The following PLCG2 variants were observed in gnomAD, a reference collection of about 807,000 sequenced individuals.
The protein encoded by PLCG2 is 1-phosphatidylinositol 4,5-bisphosphate phosphodiesterase gamma-2.
A neutral mutation model predicts 175.6 loss-of-function variants in PLCG2; 69 were observed. The ratio of observed to expected loss-of-function variants is 0.39; its 90% CI spans 0.32 to 0.48. The LOEUF (loss-of-function observed/expected upper bound fraction) is 0.48, where lower values mean the gene tolerates loss of function less well. PLCG2 is among the 20% of genes least tolerant of loss of function. The probability of loss-of-function intolerance (pLI) is 0.91; values close to 1 mark genes in which losing one functional copy is unlikely to be tolerated. For missense variants in PLCG2, 1,798 were observed against 1,650.9 expected (o/e 1.09, Z -1.54); for synonymous variants, 827 against 624.0 (o/e 1.33, Z -4.85).
chr16:81,825,192 GC>G (rs767208311), intron 2 of PLCG2, among the ~76,000 whole-genome samples: 5 of 152,162 alleles, frequency 3.3e-5, no homozygotes, highest in Admixed American at 6.5e-5. Flanking sequence ...GGTTTGTGGG[GC>G]CATCCTGGCC....
chr16:81,829,808 C>T (rs1010481286), intron 2 of PLCG2, among the ~76,000 whole-genome samples: 3 of 152,146 alleles, frequency 2.0e-5, no homozygotes, highest in Non-Finnish European at 2.9e-5. Flanking sequence ...TCCCTTTCTC[C>T]TTTGAAATTG....
rs559206679 is a variant in PLCG2, at chr16:81,866,380, C to G, written c.480-2834C>G. ...TCCCAGGTTGAGCTCCACTGGGGCA[C>G]CAGCATGAGAGGACGCTGGCCTCTC... On this transcript the variant is annotated intron_variant, in intron 5 of 32. Coordinates refer to ENST00000564138, the MANE Select transcript of PLCG2 (RefSeq NM_002661.5). Among the ~76,000 whole-genome samples, 9 of 125,818 alleles carry G rather than the reference C, an allele frequency of 7.2e-5. No individual in the cohort carries two copies. The East Asian group carries it at 2.1e-3, about 29-fold the overall frequency. 82.5% of individuals were successfully genotyped at this position (125,818 alleles called of 152,430 possible).
rs1235544180 is a variant in PLCG2 at position 81,766,204 on chromosome 16, A to G, written c.-48+10238A>G. ...AGAGGAAATCCACCTACAGGGACTC[A>G]GGCCTTTCTCTCCAAGTGGGGCCAT... On this transcript the variant is annotated intron_variant, in intron 2 of 5. Transcript: ENST00000565054. Among the ~76,000 whole-genome samples, 5 of 151,872 alleles carry G rather than the reference A, an allele frequency of 3.3e-5. No individual in the cohort carries two copies. The East Asian group carries it at 7.7e-4, about 23-fold the overall frequency.
At chr16:81,858,453 G>T in intron 4 of PLCG2, 97 bp downstream of exon 4, 1 of 831,456 alleles carries the variant, frequency 1.2e-6, no homozygotes, top group Non-Finnish European at 2.1e-6. Flanking sequence ...AAAAAAAAAG[G>T]GACATTGGTT....
intron 5 of PLCG2, among the ~76,000 whole-genome samples, chr16:81,860,017 C>G (rs1031121067): frequency 5.3e-5 from 8 of 152,078 alleles, no homozygotes; most frequent in South Asian, 2.1e-4. Context: ...GTTGCCCAGA[C>G]TGGAGGGCAG....
At chr16:81,937,608 A>T in intron 27 of PLCG2, 150 bp from the exon 28 acceptor site, 1 of 575,962 alleles carries the variant, frequency 1.7e-6, no homozygotes, top group East Asian at 3.0e-5. Context: ...TAGAAACCCT[A>T]TATTTTCTTT....
Position 81,946,215 on chromosome 16 carries a change from C to G in PLCG2, c.3522C>G (p.Asp1174Glu). The G allele has an allele frequency of 6.2e-7, 1 of 1,613,960 alleles. No individual in the cohort carries two copies. Among genetic ancestry groups the G allele is most frequent in the Non-Finnish European group, 8.5e-7 (1 of 1,179,846 alleles). The change falls in exon 31 of 33, where the codon GAC (aspartate) becomes GAG (glutamate). Residue 1174 changes from aspartate (D) to glutamate (E), a missense_variant. Transcript: ENST00000564138. Reference protein sequence around the residue: ...SVPLKNGYSEDIELASLLVFC... With the variant: ...SVPLKNGYSEEIELASLLVFC... ...CTCTGAAGAATGGGTACAGCGAGGA[C>G]ATAGAGCTGGCTTCCCTCCTGGTTT...
At chr16:81,758,926 C>T (rs1024284068) in intron 2 of PLCG2, among the ~76,000 whole-genome samples, 2 of 152,236 alleles carry the variant, frequency 1.3e-5, no homozygotes, top group Non-Finnish European at 2.9e-5. Flanking sequence ...GATCCACCTG[C>T]CTCGGCCTCC....
intron 2 of PLCG2, among the ~76,000 whole-genome samples, chr16:81,804,471 C>T (rs561101112): frequency 6.1e-4 from 93 of 152,316 alleles, no homozygotes; most frequent in African/African-American, 2.1e-3. Flanking sequence ...TAGCTTGCAG[C>T]ACATGGGCAT....
At chr16:81,853,252 A>T (rs1682798580) in intron 2 of PLCG2, among the ~76,000 whole-genome samples, 1 of 151,944 alleles carries the variant, frequency 6.6e-6, no homozygotes, top group South Asian at 2.1e-4. Flanking sequence ...AATTGTTTGA[A>T]CCTGGGAGGC....
In PLCG2 at chr16:81,893,757, C is replaced by T. The variant is rs751274183; in HGVS notation, c.1035C>T (p.Tyr345=). 21 of 1,612,744 alleles carry T rather than the reference C, an allele frequency of 1.3e-5. No individual in the cohort carries two copies. The highest frequency in any genetic ancestry group is 3.3e-4 in the Middle Eastern group (2 of 6,080). The change falls in exon 12 of 33, where the codon TAC becomes TAT. Residue 345 remains tyrosine (Y), a synonymous_variant. Transcript: ENST00000564138. ...GGAGCGAGTCGTCCCCAGAAGCTTA[C>T]ATCCGCTGCCTGCGCATGGGCTGTC... ...QLRSESSPEA[Y]IRCLRMGCRC...
intron 1 of PLCG2, among the ~76,000 whole-genome samples, chr16:81,747,430 G>A (rs1388608147): frequency 6.6e-6 from 1 of 152,160 alleles, no homozygotes; most frequent in Non-Finnish European, 1.5e-5. Context: ...AGCTACACGG[G>A]ACACTGAGGC....
chr16:81,796,856 T>G (rs1401858545), intron 2 of PLCG2, among the ~76,000 whole-genome samples: 4 of 152,208 alleles, frequency 2.6e-5, no homozygotes, highest in East Asian at 1.9e-4. Flanking sequence ...GACAAACTTC[T>G]GTTGTTTCGG....
intron 9 of PLCG2, among the ~76,000 whole-genome samples, chr16:81,886,734 C>T (rs183981239): frequency 6.6e-6 from 1 of 152,240 alleles, no homozygotes; most frequent in Admixed American, 6.5e-5. Flanking sequence ...CCTCTGTTTC[C>T]CCATTTATAT....
intron 7 of PLCG2, among the ~76,000 whole-genome samples, chr16:81,875,120 C>T (rs539604093): frequency 4.9e-4 from 74 of 152,012 alleles, no homozygotes; most frequent in Non-Finnish European, 8.4e-4. Flanking sequence ...TGCACCATCA[C>T]GCCTGGCTAA....
intron 2 of PLCG2, among the ~76,000 whole-genome samples, chr16:81,816,246 C>G (rs544129296): frequency 3.9e-5 from 6 of 152,226 alleles, no homozygotes; most frequent in Non-Finnish European, 8.8e-5. Flanking sequence ...CAGCACATGC[C>G]TGTAATCCCA....
chr16:81,820,803 T>C (rs919676528), intron 2 of PLCG2, among the ~76,000 whole-genome samples: 1 of 151,626 alleles, frequency 6.6e-6, no homozygotes, highest in African/African-American at 2.4e-5. Flanking sequence ...GTATTTTTAG[T>C]AGAGGCAGGG....
intron 2 of PLCG2, among the ~76,000 whole-genome samples, chr16:81,769,538 G>A (rs1455141692): frequency 6.6e-6 from 1 of 152,148 alleles, no homozygotes; most frequent in African/African-American, 2.4e-5. Flanking sequence ...CATGGGGCCG[G>A]GCGCGGTGGC....
intron 19 of PLCG2, 22 bp from the exon 20 acceptor site, chr16:81,919,462 C>G (rs779715745): frequency 6.2e-7 from 1 of 1,604,472 alleles, no homozygotes; most frequent in Non-Finnish European, 8.5e-7. Context: ...GGCATGTCAA[C>G]CCTGTGTTCT....
Sources: allele counts gnomAD v4.1 joint callset (sites outside exome capture counted in the v4.1 genomes callset), GRCh38; gene constraint gnomAD v4.1.1; transcripts MANE v1.5; gene names NCBI Gene and HGNC (gene_info 2026-07-23, HGNC 2026-07-21).